DUSP10: variants seen among roughly 807,000 people sequenced by gnomAD.
The protein encoded by DUSP10 is dual specificity protein phosphatase 10.
In DUSP10, 14 loss-of-function variants were observed where a neutral mutation model predicts 30.8. The ratio of observed to expected loss-of-function variants is 0.46; its 90% CI spans 0.30 to 0.71. DUSP10 has a LOEUF of 0.71. Ranked by LOEUF, DUSP10 falls within the 30% of genes least tolerant of loss-of-function variation. The pLI is 0.08. For missense variants in DUSP10, 550 were observed against 619.4 expected, an observed-to-expected ratio of 0.89 and a Z score of 1.19; for synonymous variants, 254 against 250.4, an observed-to-expected ratio of 1.01 and a Z score of -0.14.
intron 2 of DUSP10, among the ~76,000 whole-genome samples, chr1:221,721,159 T>A (rs940295152): frequency 6.6e-5 from 10 of 152,246 alleles, no homozygotes; most frequent in African/African-American, 2.4e-4. Flanking sequence ...ATAGAAATTC[T>A]AAGTATTCAC....
Position 221,702,453 on chromosome 1 carries a change from T to C in DUSP10, c.1408A>G (p.Ile470Val). The part of the protein sequence containing the change: ...EDLNNGVTPR[I>V]LTPKLMGVET... ...ACGCCCATCAGCTTTGGTGTAAGGA[T>C]TCTCGGTGTCACACCGTTGTTTAGG... is the stretch of plus-strand genomic sequence containing the variant. The change falls in exon 4 of 4, where the codon ATC becomes GTC. Residue 470 changes from isoleucine (I) to valine (V), a missense_variant. Physicochemically the swap from Ile to Val is conservative, Grantham distance 29 (BLOSUM62 3). Transcript: ENST00000366899. This position sits in a 1 kb window ranked among gnomAD's most constrained non-coding sequence, Gnocchi z 4.5. The C allele has an allele frequency of 6.2e-7, 1 of 1,614,172 alleles. No homozygotes were observed. The highest frequency in any genetic ancestry group is 2.2e-5 in the East Asian group (1 of 44,876).
At chr1:221,731,388 C>T (rs866661130) in intron 2 of DUSP10, among the ~76,000 whole-genome samples, 26 of 151,726 alleles carry the variant, frequency 1.7e-4, no homozygotes, top group African/African-American at 5.8e-4. Flanking sequence ...AGCCCTTATT[C>T]CTATCATCAA....
chr1:221,733,129 G>T (rs1386458914), intron 2 of DUSP10, among the ~76,000 whole-genome samples: 1 of 152,174 alleles, frequency 6.6e-6, no homozygotes, highest in Non-Finnish European at 1.5e-5. Flanking sequence ...GATAATGCAG[G>T]GTTTAAGGAA....
intron 3 of DUSP10, among the ~76,000 whole-genome samples, chr1:221,704,174 TGCTGTGTTTTTACTAAA>T (rs1660689595): frequency 6.6e-6 from 1 of 152,242 alleles, no homozygotes; most frequent in African/African-American, 2.4e-5. Flanking sequence ...TTATAAAACC[TGCTGTGTTTTTACTAAA>T]GCAAGACTGT....
chr1:221,714,586 G>C (rs1239463321), intron 2 of DUSP10, among the ~76,000 whole-genome samples: 1 of 152,120 alleles, frequency 6.6e-6, no homozygotes, highest in Non-Finnish European at 1.5e-5. Context: ...CCTCACACCT[G>C]ATCAAACCAA....
intron 3 of DUSP10, among the ~76,000 whole-genome samples, chr1:221,704,886 C>T (rs894467441): frequency 7.9e-5 from 12 of 152,094 alleles, no homozygotes; most frequent in African/African-American, 2.9e-4. Flanking sequence ...ACAGCAAATC[C>T]ACCAGACCCC....
At chr1:221,733,969 G>A (rs955285888) in intron 2 of DUSP10, among the ~76,000 whole-genome samples, 1 of 152,192 alleles carries the variant, frequency 6.6e-6, no homozygotes, top group Non-Finnish European at 1.5e-5. Flanking sequence ...CCAACTAACT[G>A]TGCAGCAGTT....
chr1:221,727,879 C>T (rs1661469483), intron 2 of DUSP10, among the ~76,000 whole-genome samples: 1 of 152,126 alleles, frequency 6.6e-6, no homozygotes. Flanking sequence ...GGTGACCTTA[C>T]TGCTATGGTT....
At chr1:221,740,270 A>G (rs553693720) in intron 1 of DUSP10, among the ~76,000 whole-genome samples, 1 of 152,360 alleles carries the variant, frequency 6.6e-6, no homozygotes, top group South Asian at 2.1e-4. Context: ...GAGCACTGGC[A>G]TGGTTCACAG....
chr1:221,717,716 A>G (rs893963842), intron 2 of DUSP10, among the ~76,000 whole-genome samples: 4 of 152,096 alleles, frequency 2.6e-5, no homozygotes, highest in Admixed American at 2.6e-4. Flanking sequence ...GACAACACAG[A>G]GCTTGCTGTC....
At chr1:221,741,639 C>G (rs983086553) in intron 1 of DUSP10, among the ~76,000 whole-genome samples, 2 of 152,078 alleles carry the variant, frequency 1.3e-5, no homozygotes, top group Admixed American at 6.5e-5. Context: ...CCCCCGCCCC[C>G]CGCTTCACTC....
rs1481194149 is a variant in DUSP10, at chr1:221,706,288, G to A, written c.990C>T (p.Phe330=). 1.9e-6 allele frequency: 3 copies of A among 1,614,194 alleles called. No homozygotes were observed. The South Asian group carries it at 3.3e-5, about 18-fold the overall frequency. The change falls in exon 3 of 4, where the codon TTC becomes TTT. Residue 330 remains phenylalanine, a synonymous_variant. Transcript: ENST00000366899. The surrounding 1 kb of genome is among the most constrained non-coding windows in gnomAD (Gnocchi z 4.6). ...CCTGAGCATCCTGCTCATTGCCAAGGAACAGGAAGGGCAAGATGGGGGTGA... is the reference window on the plus strand; with the variant it reads ...CCTGAGCATCCTGCTCATTGCCAAGAAACAGGAAGGGCAAGATGGGGGTGA... ...AELTPILPFL[F]LGNEQDAQDL...
chr1:221,711,067 A>C (rs1166195718), intron 2 of DUSP10, among the ~76,000 whole-genome samples: 1 of 152,204 alleles, frequency 6.6e-6, no homozygotes, highest in Non-Finnish European at 1.5e-5. Context: ...GCACCCCTAA[A>C]GAACTATATG....
chr1:221,725,707 C>T (rs944517008), intron 2 of DUSP10, among the ~76,000 whole-genome samples: 3 of 152,110 alleles, frequency 2.0e-5, no homozygotes, highest in African/African-American at 7.2e-5. Context: ...GTTTTTGCTG[C>T]CTGTGTTTGC....
chr1:221,731,943 C>T, intron 2 of DUSP10, among the ~76,000 whole-genome samples: 1 of 151,992 alleles, frequency 6.6e-6, no homozygotes, highest in East Asian at 1.9e-4. Flanking sequence ...AAAAAAAGTA[C>T]AAACATGTGC....
intron 2 of DUSP10, among the ~76,000 whole-genome samples, chr1:221,709,655 G>A (rs928306207): frequency 2.6e-5 from 4 of 152,028 alleles, no homozygotes; most frequent in Non-Finnish European, 5.9e-5. Context: ...CTCTGTGGAC[G>A]GTGCTTAAAG....
At chr1:221,705,111 G>GGTTTTTTTTTTTTT (rs59522738) in intron 3 of DUSP10, among the ~76,000 whole-genome samples, 1 of 142,002 alleles carries the variant, frequency 7.0e-6, no homozygotes, top group Non-Finnish European at 1.5e-5. Context: ...TATTTTGAGT[G>GGTTTTTTTTTTTTT]TTTTTTTTTT....
rs1487715823 is a variant in DUSP10 at position 221,737,174 on chromosome 1, C to G, written c.811+1760G>C. Reference sequence around the variant, plus strand: ...GGTCTGCAACTCCTTGTAATCATCCCCATGATTAGGAGGTCTAGGATCATC... The same window carrying G: ...GGTCTGCAACTCCTTGTAATCATCCGCATGATTAGGAGGTCTAGGATCATC... On this transcript the variant is annotated intron_variant, in intron 2 of 3. Transcript: ENST00000366899. The G allele has an allele frequency of 4.1e-6, 4 of 985,200 alleles. No homozygotes were observed. The African/African-American group carries it at 7.0e-5, about 17-fold the overall frequency. The allele number at this position is 985,200 out of a possible 1,614,324, so 61.0% of individuals were successfully genotyped here.
intron 2 of DUSP10, among the ~76,000 whole-genome samples, chr1:221,738,450 AG>A: frequency 6.6e-6 from 1 of 152,348 alleles, no homozygotes; most frequent in South Asian, 2.1e-4. Flanking sequence ...CTGGTCAGAA[AG>A]GTGAGAAAGA....
Sources: gnomAD v4.1 joint callset for allele counts (sites outside exome capture counted in the v4.1 genomes callset) on GRCh38, gnomAD v4.1.1 for gene constraint, Gnocchi (gnomAD v3.1) non-coding constraint, MANE v1.5 for transcripts, NCBI Gene and HGNC (gene_info 2026-07-23, HGNC 2026-07-21) for gene names.